Variants in GRIN2A observed in about 807,000 individuals in gnomAD.
GRIN2A encodes the protein glutamate ionotropic receptor NMDA type subunit 2A, also known as glutamate receptor ionotropic, NMDA 2A.
In GRIN2A, 22 loss-of-function variants were observed where a neutral mutation model predicts 113.4. The ratio of observed to expected loss-of-function variants is 0.19; its 90% CI spans 0.14 to 0.28. GRIN2A has a LOEUF of 0.28. GRIN2A is among the 10% of genes least tolerant of loss of function. GRIN2A has a pLI of 1.00. For synonymous variants in GRIN2A, 827 were observed against 738.4 expected (o/e 1.12, Z -1.94); for missense variants, 1,502 against 1,887.0 (o/e 0.80, Z 3.78).
At chr16:10,107,928 G>A (rs1057431230) in intron 2 of GRIN2A, among the ~76,000 whole-genome samples, 1 of 152,198 alleles carries the variant, frequency 6.6e-6, no homozygotes, top group Admixed American at 6.5e-5. Context: ...TTACCCTCTG[G>A]TGGGGAGAGC....
At chr16:10,114,480 A>G (rs75668634) in intron 2 of GRIN2A, among the ~76,000 whole-genome samples, 4,162 of 152,286 alleles carry the variant, frequency 0.027, 79 homozygotes, top group Middle Eastern at 0.054. Context: ...AAGAATCATA[A>G]CCTTTCAAAG....
At chr16:9,925,546 T>C (rs2044446954) in intron 3 of GRIN2A, among the ~76,000 whole-genome samples, 1 of 152,188 alleles carries the variant, frequency 6.6e-6, no homozygotes, top group South Asian at 2.1e-4. Flanking sequence ...GTCTCTGCCA[T>C]TCAGGGAGTC....
At chr16:10,087,748 A>T (rs936611690) in intron 2 of GRIN2A, among the ~76,000 whole-genome samples, 1 of 152,088 alleles carries the variant, frequency 6.6e-6, no homozygotes, top group Non-Finnish European at 1.5e-5. Context: ...GGAGTGCAGT[A>T]GCATGATCTC....
At chr16:9,871,998 T>C (rs2043270827) in intron 4 of GRIN2A, among the ~76,000 whole-genome samples, 2 of 152,204 alleles carry the variant, frequency 1.3e-5, no homozygotes, top group Admixed American at 1.3e-4. Context: ...CTCTGTTCCT[T>C]AGACTTCTCA....
intron 2 of GRIN2A, among the ~76,000 whole-genome samples, chr16:10,050,370 T>A (rs541717545): frequency 6.6e-6 from 1 of 152,102 alleles, no homozygotes; most frequent in Admixed American, 6.5e-5. Context: ...GGTGAGCAAG[T>A]GAAGCTTTAT....
Position 9,871,487 on chromosome 16 carries a change from T to A in GRIN2A, c.1122+19499A>T, listed in dbSNP as rs573518723. ...AAAGTGCCATTTAAAAGTCTAGAAG[T>A]CTAGAGTCTAGATTGCACTTTGTAT... On this transcript the variant is annotated intron_variant, in intron 4 of 12. Transcript: ENST00000330684. Among the ~76,000 whole-genome samples the A allele has an allele frequency of 2.6e-5, 4 of 151,688 alleles. No individual in the cohort carries two copies. The South Asian group carries it at 8.4e-4, about 32-fold the overall frequency.
At chr16:10,112,719 C>T in intron 2 of GRIN2A, 1 of 739,248 alleles carries the variant, frequency 1.4e-6, no homozygotes. Flanking sequence ...GGCCTCCATC[C>T]AGGACAAAGG....
At chr16:9,767,915 T>C (rs1021392315) in intron 12 of GRIN2A, among the ~76,000 whole-genome samples, 2 of 152,390 alleles carry the variant, frequency 1.3e-5, no homozygotes, top group East Asian at 1.9e-4. Context: ...TTGTTGGGCA[T>C]GTTCTGTTAC....
intron 10 of GRIN2A, among the ~76,000 whole-genome samples, chr16:9,811,758 C>T (rs2141270897): frequency 6.6e-6 from 1 of 152,116 alleles, no homozygotes; most frequent in Middle Eastern, 3.4e-3. Flanking sequence ...GGCTCTGTCT[C>T]AAAAAACAAA....
In GRIN2A at chr16:9,771,532, C is replaced by T. The variant is rs149981865; in HGVS notation, c.2357-2443G>A. Among the ~76,000 whole-genome samples the T allele has an allele frequency of 3.3e-3, 495 of 151,422 alleles. 6 individuals are homozygous for T. Among genetic ancestry groups the T allele is most frequent in the Non-Finnish European group, 4.9e-3 (330 of 67,892 alleles). On this transcript the variant is annotated intron_variant, in intron 11 of 12. Transcript: ENST00000330684. Reference sequence around the variant, plus strand: ...CTTTCATATATTTAATAATTTTAAACCTCTAGTCTTTCAGATTACTCCCCC... The same window carrying T: ...CTTTCATATATTTAATAATTTTAAATCTCTAGTCTTTCAGATTACTCCCCC...
chr16:9,836,960 T>C (rs190596495), intron 7 of GRIN2A, among the ~76,000 whole-genome samples: 524 of 152,318 alleles, frequency 3.4e-3, no homozygotes, highest in Non-Finnish European at 5.7e-3. Context: ...GGAGATGCCA[T>C]CTCTGTCCTT....
intron 2 of GRIN2A, among the ~76,000 whole-genome samples, chr16:10,059,716 G>T (rs1359695374): frequency 1.1e-5 from 1 of 90,818 alleles, no homozygotes; most frequent in East Asian, 3.5e-4. Flanking sequence ...ACACCATCGT[G>T]ACCGAAAAAA....
intron 11 of GRIN2A, among the ~76,000 whole-genome samples, chr16:9,771,700 T>C (rs79742915): frequency 6.6e-6 from 1 of 152,056 alleles, no homozygotes; most frequent in Non-Finnish European, 1.5e-5. Flanking sequence ...CTAAGCCCCA[T>C]GGGACTCCCA....
Position 10,013,984 on chromosome 16 carries a change from T to C in GRIN2A, c.415-75433A>G, listed in dbSNP as rs146253153. 1.5e-3 allele frequency among the ~76,000 whole-genome samples: 230 copies of C among 152,346 alleles called. 3 individuals carry two copies. Among genetic ancestry groups the C allele is most frequent in the African/African-American group, 5.4e-3 (225 of 41,578 alleles). ...GGTCAAGCTCCTCTGTTGAATGATA[T>C]TTTCCTTTAGAACATTCAGCTCTGT... On this transcript the variant is annotated intron_variant, in intron 2 of 12. Transcript: ENST00000330684.
chr16:9,967,474 G>A (rs1470524763), intron 2 of GRIN2A, among the ~76,000 whole-genome samples: 7 of 152,230 alleles, frequency 4.6e-5, no homozygotes. Context: ...GGGAGGCCAA[G>A]GCGGGTGGAT....
chr16:10,129,998 G>T (rs1322455079), intron 2 of GRIN2A, among the ~76,000 whole-genome samples: 1 of 152,216 alleles, frequency 6.6e-6, no homozygotes, highest in Admixed American at 6.5e-5. Flanking sequence ...TACATAGCAG[G>T]TAAGAGGGAG....
At chr16:9,953,944 C>A (rs993477268) in intron 2 of GRIN2A, among the ~76,000 whole-genome samples, 1 of 152,028 alleles carries the variant, frequency 6.6e-6, no homozygotes, top group African/African-American at 2.4e-5. Context: ...TCCAACTGCC[C>A]CATGCTTCTT....
At chr16:9,843,567 AG>A (rs771439514) in intron 5 of GRIN2A, among the ~76,000 whole-genome samples, 52 of 152,320 alleles carry the variant, frequency 3.4e-4, no homozygotes, top group Non-Finnish European at 6.8e-4. Flanking sequence ...CCTTTATCTC[AG>A]GATCACAGAC....
At chr16:9,767,053 T>A (rs765065780) in intron 12 of GRIN2A, among the ~76,000 whole-genome samples, 8 of 152,260 alleles carry the variant, frequency 5.3e-5, no homozygotes, top group African/African-American at 7.2e-5. Flanking sequence ...AGTGTGCATT[T>A]GTTTGGTGCT....
Sources: allele counts gnomAD v4.1 joint callset (sites outside exome capture counted in the v4.1 genomes callset), GRCh38; gene constraint gnomAD v4.1.1; transcripts MANE v1.5; gene names NCBI Gene and HGNC (gene_info 2026-07-23, HGNC 2026-07-21).